Variants in SAMD12 observed in about 807,000 individuals in gnomAD.
SAMD12 encodes sterile alpha motif domain-containing protein 12.
In SAMD12, 9 loss-of-function variants were observed where a neutral mutation model predicts 15.0. The ratio of observed to expected loss-of-function variants is 0.60; its 90% confidence interval spans 0.36 to 1.05. SAMD12 has a LOEUF of 1.05. SAMD12 is among the 50% of genes least tolerant of loss of function. The pLI, the probability that SAMD12 is intolerant of heterozygous loss-of-function variation, is 0.01. For synonymous variants in SAMD12, 86 were observed against 90.1 expected (o/e 0.96, Z 0.25); for missense variants, 230 against 234.2 (o/e 0.98, Z 0.12).
rs369672666 is a variant in SAMD12 at position 118,371,810 on chromosome 8, A to T, written c.433+7750T>A. On this transcript the variant is annotated intron_variant, in intron 4 of 4. Coordinates refer to the SAMD12 transcript ENST00000409003. Reference sequence around the variant, plus strand: ...CGGTAGAGGGTGAGATTGTCCAGGCAGCATGCAAAATGCCAACAACTAAGA... The same window carrying T: ...CGGTAGAGGGTGAGATTGTCCAGGCTGCATGCAAAATGCCAACAACTAAGA... Among the ~76,000 whole-genome samples the T allele has an allele frequency of 3.3e-5, 5 of 152,290 alleles. No homozygotes were observed. In the East Asian group the frequency reaches 9.7e-4, roughly 29 times the overall value.
At chr8:118,450,873 T>C (rs533953696) in intron 2 of SAMD12, among the ~76,000 whole-genome samples, 1 of 152,276 alleles carries the variant, frequency 6.6e-6, no homozygotes, top group South Asian at 2.1e-4. Context: ...CTTCTTTTGC[T>C]TTTCTGAAAC....
the SAMD12 span, among the ~76,000 whole-genome samples, chr8:118,132,657 G>A: frequency 1.3e-4 from 20 of 151,914 alleles, no homozygotes; most frequent in African/African-American, 3.6e-4. Context: ...ATTATAAACC[G>A]CAAATTCAAA....
At chr8:118,337,715 T>G (rs2130531206) in intron 4 of SAMD12, among the ~76,000 whole-genome samples, 1 of 152,348 alleles carries the variant, frequency 6.6e-6, no homozygotes, top group East Asian at 1.9e-4. Flanking sequence ...GTCCTGATAT[T>G]GCAGTGTTTC....
chr8:118,280,762 C>G (rs1813606481), intron 4 of SAMD12, among the ~76,000 whole-genome samples: 1 of 152,132 alleles, frequency 6.6e-6, no homozygotes, highest in Non-Finnish European at 1.5e-5. Context: ...AGACTTTTCT[C>G]CACTTTATTA....
chr8:118,496,492 T>C (rs910455131), intron 2 of SAMD12, among the ~76,000 whole-genome samples: 2 of 152,216 alleles, frequency 1.3e-5, no homozygotes, highest in African/African-American at 4.8e-5. Context: ...ATTCAATAAA[T>C]GGTGCTGGGG....
chr8:118,563,997 C>T (rs540611793), intron 2 of SAMD12, among the ~76,000 whole-genome samples: 46 of 152,212 alleles, frequency 3.0e-4, no homozygotes, highest in African/African-American at 1.1e-3. Context: ...TTGTGCTAAA[C>T]CCCAGATGTT....
intron 4 of SAMD12, among the ~76,000 whole-genome samples, chr8:118,368,353 C>G (rs1457455074): frequency 6.6e-6 from 1 of 152,190 alleles, no homozygotes; most frequent in African/African-American, 2.4e-5. Context: ...TATTAGGTTA[C>G]TCATCCAAAA....
chr8:118,455,946 T>C (rs961577962), intron 2 of SAMD12, among the ~76,000 whole-genome samples: 7 of 152,248 alleles, frequency 4.6e-5, no homozygotes, highest in Non-Finnish European at 7.3e-5. Flanking sequence ...TCACCTAGAC[T>C]CTGGCAATAA....
intron 2 of SAMD12, among the ~76,000 whole-genome samples, chr8:118,563,099 A>G (rs1826755111): frequency 6.6e-6 from 1 of 152,234 alleles, no homozygotes; most frequent in African/African-American, 2.4e-5. Flanking sequence ...TAGATAGACA[A>G]AATGCAAACC....
chr8:118,339,132 C>T (rs555784469), intron 4 of SAMD12, among the ~76,000 whole-genome samples: 1 of 152,104 alleles, frequency 6.6e-6, no homozygotes, highest in Non-Finnish European at 1.5e-5. Context: ...GAGTTTGAGA[C>T]CAGCCTGGGC....
At position 118,378,995 on chromosome 8, in the gene SAMD12, T is replaced by C; in HGVS notation, c.*422A>G. The stretch of plus-strand genomic sequence containing the variant: ...CTTTCAAGAAGCTAAATGGGGTTCT[T>C]ACAATCTCTAAAGTGTGTGTGTATA... On this transcript the variant is annotated 3_prime_UTR_variant, in exon 4 of 4. Coordinates refer to ENST00000314727, the MANE Select transcript of SAMD12 (RefSeq NM_207506.3). 2 of 981,266 alleles carry C rather than the reference T, an allele frequency of 2.0e-6. No individual in the cohort carries two copies. The highest frequency in any genetic ancestry group is 4.6e-5 in the South Asian group (1 of 21,804). The allele number at this position is 981,266 out of a possible 1,614,324, so 60.8% of individuals were successfully genotyped here. A position where few individuals can be genotyped will look rare whatever the true frequency, so the allele number is the denominator to read the frequency against.
At chr8:118,398,887 G>A in intron 3 of SAMD12, among the ~76,000 whole-genome samples, 1 of 152,102 alleles carries the variant, frequency 6.6e-6, no homozygotes, top group Middle Eastern at 3.4e-3. Context: ...TTTTGTGTGT[G>A]TTTGTTTTTG....
At chr8:118,223,430 C>G (rs1812123237) in intron 4 of SAMD12, among the ~76,000 whole-genome samples, 1 of 152,308 alleles carries the variant, frequency 6.6e-6, no homozygotes, top group Admixed American at 6.5e-5. Flanking sequence ...CCAAAAACAT[C>G]TTAGCATTTC....
the SAMD12 span, among the ~76,000 whole-genome samples, chr8:118,152,452 C>T: frequency 3.4e-4 from 30 of 87,500 alleles, 1 homozygote; most frequent in Admixed American, 2.9e-3. Context: ...TCCTCCCTCC[C>T]TCCCTACCTT....
intron 4 of SAMD12, among the ~76,000 whole-genome samples, chr8:118,351,468 G>C (rs1256859952): frequency 6.6e-6 from 1 of 152,146 alleles, no homozygotes; most frequent in Non-Finnish European, 1.5e-5. Context: ...CTACAGTAGG[G>C]AGTGGCAGAA....
intron 3 of SAMD12, among the ~76,000 whole-genome samples, chr8:118,401,179 T>C (rs913693054): frequency 2.6e-5 from 4 of 152,246 alleles, no homozygotes; most frequent in African/African-American, 4.8e-5. Context: ...TTTCTGTATC[T>C]TGCTTCTAAT....
chr8:118,418,458 G>C (rs373599191), intron 3 of SAMD12, among the ~76,000 whole-genome samples: 2 of 152,230 alleles, frequency 1.3e-5, no homozygotes, highest in African/African-American at 4.8e-5. Context: ...GCTCACGCCT[G>C]TAATCCCAGC....
intron 2 of SAMD12, among the ~76,000 whole-genome samples, chr8:118,467,145 T>C (rs1346970833): frequency 6.6e-6 from 1 of 152,220 alleles, no homozygotes; most frequent in Non-Finnish European, 1.5e-5. Context: ...GAAATGATTC[T>C]GCCTCCTGCC....
intron 2 of SAMD12, among the ~76,000 whole-genome samples, chr8:118,516,433 A>G (rs1309172401): frequency 6.6e-6 from 1 of 152,190 alleles, no homozygotes; most frequent in Non-Finnish European, 1.5e-5. Flanking sequence ...ATAGTTGCTC[A>G]GTGCAGGGAA....
Sources: gnomAD v4.1 joint callset for allele counts (sites outside exome capture counted in the v4.1 genomes callset) on GRCh38, gnomAD v4.1.1 for gene constraint, MANE v1.5 for transcripts, NCBI Gene and HGNC (gene_info 2026-07-23, HGNC 2026-07-21) for gene names.